Variants in SOX6 observed in about 807,000 individuals in gnomAD.
The protein encoded by SOX6 is transcription factor SOX-6.
A neutral mutation model predicts 97.8 loss-of-function variants in SOX6; 11 were observed. The observed-to-expected ratio is 0.11, with a 90% CI of 0.07 to 0.19. The LOEUF is 0.19. SOX6 is among the 10% of genes least tolerant of loss of function. The pLI is 1.00. For synonymous variants in SOX6, 360 were observed against 371.4 expected (o/e 0.97, Z 0.35); for missense variants, 810 against 1,039.5 (o/e 0.78, Z 3.04).
At chr11:16,371,776 C>T (rs746290780) in intron 1 of SOX6, among the ~76,000 whole-genome samples, 1 of 152,080 alleles carries the variant, frequency 6.6e-6, no homozygotes, top group African/African-American at 2.4e-5. Flanking sequence ...AAAATTACTA[C>T]GTGCCTTTGT....
chr11:16,370,689 C>T (rs1195154894), intron 1 of SOX6, among the ~76,000 whole-genome samples: 1 of 152,040 alleles, frequency 6.6e-6, no homozygotes, highest in African/African-American at 2.4e-5. Context: ...AACCCTGTAC[C>T]TTCCAAAGCC....
intron 12 of SOX6, among the ~76,000 whole-genome samples, chr11:16,017,851 G>A (rs536208947): frequency 6.3e-4 from 96 of 152,136 alleles, no homozygotes; most frequent in African/African-American, 2.1e-3. Flanking sequence ...TACCTCCCAA[G>A]TAAGATATGT....
chr11:16,204,148 T>C (rs1056082418), intron 4 of SOX6, among the ~76,000 whole-genome samples: 6 of 152,110 alleles, frequency 3.9e-5, no homozygotes, highest in Admixed American at 2.0e-4. Context: ...TAAGTAGCTG[T>C]TATCACCACC....
At chr11:16,330,060 G>A (rs1856238822) in intron 2 of SOX6, among the ~76,000 whole-genome samples, 1 of 152,076 alleles carries the variant, frequency 6.6e-6, no homozygotes, top group Non-Finnish European at 1.5e-5. Flanking sequence ...CTCTGAGTGT[G>A]TTCCAATTGT....
At chr11:16,108,812 A>G (rs1383083533) in intron 7 of SOX6, among the ~76,000 whole-genome samples, 5 of 152,184 alleles carry the variant, frequency 3.3e-5, no homozygotes, top group African/African-American at 1.2e-4. Context: ...AAATGCCCAG[A>G]GGCACAGGTC....
intron 12 of SOX6, among the ~76,000 whole-genome samples, chr11:16,027,261 T>C (rs925715408): frequency 6.6e-6 from 1 of 152,152 alleles, no homozygotes; most frequent in African/African-American, 2.4e-5. Context: ...CTAAGATATA[T>C]AAGTTAGAAA....
chr11:16,556,920 T>G (rs1355341718), intron 4 of SOX6, among the ~76,000 whole-genome samples: 1 of 151,756 alleles, frequency 6.6e-6, no homozygotes, highest in Admixed American at 6.6e-5. Flanking sequence ...ATTTCTGACT[T>G]TATAATCCAC....
At chr11:16,043,219 C>CT (rs931223742) in intron 12 of SOX6, among the ~76,000 whole-genome samples, 1 of 152,136 alleles carries the variant, frequency 6.6e-6, no homozygotes, top group African/African-American at 2.4e-5. Flanking sequence ...ATAGTATGAT[C>CT]TAATTGCACT....
At chr11:16,441,340 TTTTA>T (rs1347488864) in intron 1 of SOX6, among the ~76,000 whole-genome samples, 1 of 152,212 alleles carries the variant, frequency 6.6e-6, no homozygotes, top group Non-Finnish European at 1.5e-5. Flanking sequence ...ATATGTACAC[TTTTA>T]TTTGTTATTT....
At chr11:16,647,182 A>G (rs561166113) in intron 3 of SOX6, among the ~76,000 whole-genome samples, 1 of 152,182 alleles carries the variant, frequency 6.6e-6, no homozygotes, top group South Asian at 2.1e-4. Flanking sequence ...CACTCTGTGA[A>G]TTGTCTGTTT....
chr11:16,227,894 T>C (rs1226248007), intron 4 of SOX6, among the ~76,000 whole-genome samples: 1 of 152,128 alleles, frequency 6.6e-6, no homozygotes, highest in Non-Finnish European at 1.5e-5. Flanking sequence ...TAACAATAGA[T>C]CTCTTAAAAA....
chr11:16,219,648 T>G (rs1012176383), intron 4 of SOX6, among the ~76,000 whole-genome samples: 5 of 152,050 alleles, frequency 3.3e-5, no homozygotes, highest in Non-Finnish European at 7.4e-5. Context: ...TCAAGGCCCT[T>G]ATTCATAAAA....
At chr11:16,311,976 T>C (rs1855616643) in intron 3 of SOX6, 1 of 152,146 alleles carries the variant, frequency 6.6e-6, no homozygotes, top group Non-Finnish European at 1.5e-5. Context: ...ATTCTTGTGC[T>C]GGGAAACAGC....
intron 4 of SOX6, chr11:16,567,330 C>A (rs972891900): frequency 6.6e-6 from 1 of 152,442 alleles, no homozygotes; most frequent in African/African-American, 2.4e-5. Context: ...AGCCAACCAG[C>A]TCATCCCTAG....
chr11:16,224,436 A>G (rs529436899), intron 4 of SOX6, among the ~76,000 whole-genome samples: 1 of 152,208 alleles, frequency 6.6e-6, no homozygotes, highest in African/African-American at 2.4e-5. Context: ...CTAATGTATC[A>G]TAATACTTTA....
chr11:16,237,389 C>G (rs1853057008), intron 3 of SOX6, among the ~76,000 whole-genome samples: 1 of 151,942 alleles, frequency 6.6e-6, no homozygotes, highest in Admixed American at 6.6e-5. Context: ...TACAAAGTTA[C>G]AAATAAAATT....
chr11:16,659,874 A>G (rs879943157), intron 3 of SOX6, among the ~76,000 whole-genome samples: 4 of 152,132 alleles, frequency 2.6e-5, no homozygotes, highest in Non-Finnish European at 4.4e-5. Flanking sequence ...CTTCCAAGGA[A>G]TTGGTCTATT....
At chr11:16,593,672 C>A (rs1477275807) in intron 4 of SOX6, among the ~76,000 whole-genome samples, 1 of 152,030 alleles carries the variant, frequency 6.6e-6, no homozygotes, top group Non-Finnish European at 1.5e-5. Flanking sequence ...AAATGACAAC[C>A]AAGCACTTAT....
chr11:16,436,565 T>C (rs1041424328), intron 1 of SOX6, among the ~76,000 whole-genome samples: 2 of 152,180 alleles, frequency 1.3e-5, no homozygotes, highest in Non-Finnish European at 2.9e-5. Context: ...CACAGAATCA[T>C]GTACACCTAA....
Sources: gnomAD v4.1 joint callset for allele counts (sites outside exome capture counted in the v4.1 genomes callset) on GRCh38, gnomAD v4.1.1 for gene constraint, MANE v1.5 for transcripts, NCBI Gene and HGNC (gene_info 2026-07-23, HGNC 2026-07-21) for gene names.